WWOX: variants seen among roughly 807,000 people sequenced by gnomAD.
WWOX encodes WW domain containing oxidoreductase.
In WWOX, 69 loss-of-function variants were observed where a neutral mutation model predicts 46.2. The ratio of observed to expected loss-of-function variants is 1.49; its 90% CI spans 1.23 to 1.82. The LOEUF (loss-of-function observed/expected upper bound fraction) is 1.82. Among genes scored for constraint, WWOX ranks in the 40% most tolerant of loss-of-function variants. The pLI is 0.00. For synonymous variants in WWOX, 359 were observed against 202.6 expected (o/e 1.77, Z -6.56); for missense variants, 919 against 542.6 (o/e 1.69, Z -6.89).
intron 8 of WWOX, among the ~76,000 whole-genome samples, chr16:78,505,409 C>G (rs1425291180): frequency 6.6e-6 from 1 of 152,176 alleles, no homozygotes; most frequent in African/African-American, 2.4e-5. Context: ...TCAGGACACT[C>G]TGAGATGGAA....
At chr16:78,524,180 T>A (rs1328099201) in intron 8 of WWOX, among the ~76,000 whole-genome samples, 1 of 152,212 alleles carries the variant, frequency 6.6e-6, no homozygotes, top group African/African-American at 2.4e-5. Flanking sequence ...TTTCTCTTTA[T>A]AAAGTAAACA....
chr16:78,652,515 G>C (rs573888309), intron 8 of WWOX, among the ~76,000 whole-genome samples: 11 of 151,348 alleles, frequency 7.3e-5, no homozygotes, highest in Non-Finnish European at 1.6e-4. Flanking sequence ...AAAAAAAGTT[G>C]TAATAAATTA....
intron 5 of WWOX, among the ~76,000 whole-genome samples, chr16:78,383,383 T>A (rs1376918073): frequency 6.6e-6 from 1 of 152,102 alleles, no homozygotes; most frequent in Admixed American, 6.6e-5. Context: ...AATCTATAAT[T>A]AGTTTCAAAT....
At position 78,968,113 on chromosome 16, in the gene WWOX, C is replaced by T. The variant is rs74560385; in HGVS notation, c.1057-243495C>T. ...GGTCCGCATGGCACAGCGCGTGGTCCGCGTGGCACAGCGCGTGGTCCGTGT... is the reference window on the plus strand; with the variant it reads ...GGTCCGCATGGCACAGCGCGTGGTCTGCGTGGCACAGCGCGTGGTCCGTGT... On this transcript the variant is annotated intron_variant, in intron 8 of 8. Coordinates refer to ENST00000566780, the MANE Select transcript of WWOX (RefSeq NM_016373.4). Among the ~76,000 whole-genome samples, 377 of 66,452 alleles carry T rather than the reference C, an allele frequency of 5.7e-3. 5 individuals carry two copies. Among genetic ancestry groups the T allele is most frequent in the African/African-American group, 9.8e-3 (174 of 17,674 alleles). 43.6% of individuals were successfully genotyped at this position (66,452 alleles called of 152,430 possible).
intron 8 of WWOX, among the ~76,000 whole-genome samples, chr16:78,815,480 T>G (rs1259860805): frequency 6.6e-6 from 1 of 152,198 alleles, no homozygotes; most frequent in Non-Finnish European, 1.5e-5. Flanking sequence ...AAACACTTCT[T>G]ACGTTACCCG....
chr16:78,618,616 A>T (rs933754386), intron 8 of WWOX, among the ~76,000 whole-genome samples: 2 of 152,260 alleles, frequency 1.3e-5, no homozygotes, highest in East Asian at 1.9e-4. Context: ...GGGCTTCCAC[A>T]TACAAAGTCT....
intron 8 of WWOX, among the ~76,000 whole-genome samples, chr16:78,835,303 C>T (rs2051948360): frequency 1.3e-5 from 2 of 152,210 alleles, no homozygotes; most frequent in Non-Finnish European, 2.9e-5. Context: ...ATCCCTTTAA[C>T]TACACCATTC....
At chr16:79,200,958 T>G (rs1268834938) in intron 8 of WWOX, among the ~76,000 whole-genome samples, 1 of 152,228 alleles carries the variant, frequency 6.6e-6, no homozygotes, top group Non-Finnish European at 1.5e-5. Context: ...TGCTTTAAAC[T>G]TGTAAAAATC....
chr16:78,112,428 T>G (rs2032543758), intron 3 of WWOX, among the ~76,000 whole-genome samples: 1 of 152,168 alleles, frequency 6.6e-6, no homozygotes, highest in South Asian at 2.1e-4. Context: ...ACATGTGTGT[T>G]TTTTGAGCAA....
chr16:78,973,477 A>G (rs987188604), intron 8 of WWOX, among the ~76,000 whole-genome samples: 19 of 152,210 alleles, frequency 1.2e-4, no homozygotes, highest in African/African-American at 3.9e-4. Context: ...GTATCTGCTG[A>G]TTTCTTCAAA....
At chr16:78,906,771 G>A (rs925692449) in intron 8 of WWOX, among the ~76,000 whole-genome samples, 3 of 152,182 alleles carry the variant, frequency 2.0e-5, no homozygotes, top group African/African-American at 4.8e-5. Context: ...TTTTGATCAT[G>A]TGACAAGGTC....
At position 78,630,803 on chromosome 16, in the gene WWOX, T is replaced by C. The variant is rs188368028; in HGVS notation, c.1056+198051T>C. On this transcript the variant is annotated intron_variant, in intron 8 of 8. Transcript: ENST00000566780. Reference sequence around the variant, plus strand: ...CTGACACAGTTGTATTCCTAAGACATAGTTGGGACCAGACCTCAAGAAAAT... The same window carrying C: ...CTGACACAGTTGTATTCCTAAGACACAGTTGGGACCAGACCTCAAGAAAAT... Among the ~76,000 whole-genome samples, 3 of 152,274 alleles carry C rather than the reference T, an allele frequency of 2.0e-5. No individual in the cohort carries two copies. The East Asian group carries it at 5.8e-4, about 29-fold the overall frequency.
chr16:78,512,655 G>T (rs930045217), intron 8 of WWOX, among the ~76,000 whole-genome samples: 18 of 152,164 alleles, frequency 1.2e-4, no homozygotes, highest in African/African-American at 4.3e-4. Flanking sequence ...TTCTGGGTGG[G>T]ACTTCAATGA....
intron 8 of WWOX, among the ~76,000 whole-genome samples, chr16:78,456,915 C>G (rs946473448): frequency 5.9e-5 from 9 of 152,230 alleles, no homozygotes; most frequent in African/African-American, 1.9e-4. Flanking sequence ...GTTGGCTGAT[C>G]ACCCTTATGA....
At chr16:79,047,165 A>G (rs1411972175) in intron 8 of WWOX, among the ~76,000 whole-genome samples, 1 of 152,194 alleles carries the variant, frequency 6.6e-6, no homozygotes, top group African/African-American at 2.4e-5. Flanking sequence ...GTCAATAAAT[A>G]TTTATTGAGT....
rs2034896981 is a variant in WWOX, at chr16:78,164,276, T to C, written c.503T>C (p.Ile168Thr). 6.2e-7 allele frequency: 1 copy of C among 1,613,910 alleles called. No individual in the cohort carries two copies. The highest frequency in any genetic ancestry group is 1.7e-5 in the Admixed American group (1 of 59,994). ...MARASEAVSR[I>T]LEEWHKAKVE... The stretch of plus-strand genomic sequence containing the variant: ...AGGGCGAGTGAAGCAGTGTCACGCA[T>C]TTTAGAAGAATGGGTAAGTGCTTGA... Residue 168 changes from isoleucine to threonine, a missense_variant, in exon 5 of 9, where the codon ATT becomes ACT. Coordinates refer to ENST00000566780, the MANE Select transcript of WWOX (RefSeq NM_016373.4).
chr16:78,123,440 G>GTTTTGTTTTGTTTTGTTT (rs1567584444), intron 4 of WWOX: 1 of 50,500 alleles, frequency 2.0e-5, no homozygotes, highest in African/African-American at 8.4e-5. Context: ...TTTTTGTTTT[G>GTTTTGTTTTGTTTTGTTT]TTTTTTTTTT....
At chr16:78,607,833 A>G (rs1409066877) in intron 8 of WWOX, among the ~76,000 whole-genome samples, 1 of 151,778 alleles carries the variant, frequency 6.6e-6, no homozygotes, top group African/African-American at 2.4e-5. Flanking sequence ...AAAGGGCTGG[A>G]TTTTCTATCG....
At chr16:78,834,856 C>T (rs1316268377) in intron 8 of WWOX, among the ~76,000 whole-genome samples, 15 of 152,072 alleles carry the variant, frequency 9.9e-5, no homozygotes, top group Admixed American at 8.5e-4. Flanking sequence ...CATGATTGTT[C>T]GTAATGACAT....
Sources: gnomAD v4.1 joint callset for allele counts (sites outside exome capture counted in the v4.1 genomes callset) on GRCh38, gnomAD v4.1.1 for gene constraint, MANE v1.5 for transcripts, NCBI Gene and HGNC (gene_info 2026-07-23, HGNC 2026-07-21) for gene names.